The following NDUFAF6 variants were observed in gnomAD, a reference collection of about 807,000 sequenced individuals.
NDUFAF6 encodes NADH:ubiquinone oxidoreductase complex assembly factor 6.
A neutral mutation model predicts 40.8 loss-of-function variants in NDUFAF6; 45 were observed. The ratio of observed to expected loss-of-function variants is 1.10; its 90% CI spans 0.87 to 1.42. The LOEUF (loss-of-function observed/expected upper bound fraction) is 1.42. Ranked by LOEUF, NDUFAF6 falls within the 40% of genes most tolerant of loss-of-function variation. The pLI, the probability that NDUFAF6 is intolerant of heterozygous loss-of-function variation, is 0.00. For missense variants in NDUFAF6, 435 were observed against 418.5 expected (o/e 1.04, Z -0.34); for synonymous variants, 185 against 155.9 (o/e 1.19, Z -1.39).
intron 1 of NDUFAF6, among the ~76,000 whole-genome samples, chr8:94,941,626 C>A (rs1821543554): frequency 6.6e-6 from 1 of 152,226 alleles, no homozygotes; most frequent in Non-Finnish European, 1.5e-5. Flanking sequence ...CTACAGCTGG[C>A]ATGAAGAAAT....
chr8:94,925,316 T>G (rs1230577659), intron 1 of NDUFAF6, among the ~76,000 whole-genome samples: 1 of 152,218 alleles, frequency 6.6e-6, no homozygotes, highest in Non-Finnish European at 1.5e-5. Context: ...AATAGGGGTA[T>G]CAATGGCATC....
chr8:95,093,163 G>C (rs2132066556), intron 2 of NDUFAF6, among the ~76,000 whole-genome samples: 1 of 152,284 alleles, frequency 6.6e-6, no homozygotes, highest in East Asian at 1.9e-4. Context: ...TTGGGTTCTA[G>C]AGTCCGCCTT....
intron 1 of NDUFAF6, 67 bp downstream of exon 1, chr8:95,025,272 C>A: frequency 7.6e-7 from 1 of 1,314,708 alleles, no homozygotes; most frequent in African/African-American, 1.5e-5. Flanking sequence ...GGCTGCGCCT[C>A]GCGTCTGGCC....
intron 2 of NDUFAF6, among the ~76,000 whole-genome samples, chr8:95,008,761 A>C (rs921003704): frequency 6.6e-6 from 1 of 152,074 alleles, no homozygotes; most frequent in African/African-American, 2.4e-5. Flanking sequence ...TGCCCCCCTC[A>C]GCCTCCCAAA....
In NDUFAF6 at chr8:94,985,870, C is replaced by T. The variant is rs144916423; in HGVS notation, c.-84+4897C>T. ...TTATACAATTTTGTACAATTTTTTT[C>T]TTCCTTTCTTTTTTTTTTTTTGAGA... is the stretch of plus-strand genomic sequence containing the variant. On this transcript the variant is annotated intron_variant, in intron 2 of 9. Transcript: ENST00000396111. Among the ~76,000 whole-genome samples the T allele has an allele frequency of 8.9e-3, 1,316 of 147,702 alleles. 20 individuals carry two copies. The highest frequency in any genetic ancestry group is 0.03 in the African/African-American group (1,200 of 40,172).
downstream of NDUFAF6, among the ~76,000 whole-genome samples, chr8:95,080,442 T>TC (rs1808799005): frequency 6.7e-6 from 1 of 149,184 alleles, no homozygotes; most frequent in African/African-American, 2.5e-5. Context: ...TAGTGTATTT[T>TC]TGTAGTGATT....
chr8:95,042,563 C>G (rs1163168224), intron 4 of NDUFAF6, among the ~76,000 whole-genome samples: 2 of 152,122 alleles, frequency 1.3e-5, no homozygotes, highest in Non-Finnish European at 2.9e-5. Flanking sequence ...GAACTGTGAA[C>G]AAACATTGAT....
At chr8:94,924,887 C>T (rs930127068) in intron 1 of NDUFAF6, among the ~76,000 whole-genome samples, 3 of 152,168 alleles carry the variant, frequency 2.0e-5, no homozygotes, top group African/African-American at 4.8e-5. Context: ...GGATTACAGG[C>T]GTGTGCCACC....
chr8:94,942,658 C>G (rs1821657065), intron 1 of NDUFAF6, among the ~76,000 whole-genome samples: 1 of 152,170 alleles, frequency 6.6e-6, no homozygotes, highest in East Asian at 1.9e-4. Context: ...GTGAACAGGG[C>G]CCTCCCACAA....
chr8:94,945,974 T>TA (rs896631406), intron 2 of NDUFAF6, among the ~76,000 whole-genome samples: 2 of 152,144 alleles, frequency 1.3e-5, no homozygotes, highest in African/African-American at 4.8e-5. Flanking sequence ...TCCCTCCCTT[T>TA]AAAAAATAAA....
intron 4 of NDUFAF6, among the ~76,000 whole-genome samples, chr8:95,112,020 C>G (rs1429384062): frequency 6.6e-6 from 1 of 152,068 alleles, no homozygotes; most frequent in Non-Finnish European, 1.5e-5. Flanking sequence ...TCCTACTGTT[C>G]TTAGAAAGAA....
At chr8:94,936,705 A>G (rs910563922) in intron 1 of NDUFAF6, among the ~76,000 whole-genome samples, 7 of 152,104 alleles carry the variant, frequency 4.6e-5, no homozygotes, top group Non-Finnish European at 7.4e-5. Context: ...TGAGGGGTAT[A>G]TTAGGACATG....
At chr8:94,904,772 C>T (rs1818281953) in intron 1 of NDUFAF6, among the ~76,000 whole-genome samples, 1 of 151,976 alleles carries the variant, frequency 6.6e-6, no homozygotes, top group African/African-American at 2.4e-5. Context: ...TCATGCCCTC[C>T]CATGGTTTGT....
chr8:95,032,660 A>G (rs2131779890), intron 2 of NDUFAF6, among the ~76,000 whole-genome samples: 1 of 152,292 alleles, frequency 6.6e-6, no homozygotes, highest in East Asian at 1.9e-4. Context: ...GAGAGAGTGA[A>G]AACTGGAACA....
chr8:95,034,728 T>A (rs1275472694), intron 2 of NDUFAF6: 1 of 152,418 alleles, frequency 6.6e-6, no homozygotes, highest in Non-Finnish European at 1.5e-5. Context: ...CCAGCAGTAA[T>A]GTTAATTTTA....
chr8:94,902,700 T>TA (rs1818106234), intron 1 of NDUFAF6, among the ~76,000 whole-genome samples: 1 of 148,488 alleles, frequency 6.7e-6, no homozygotes, highest in Non-Finnish European at 1.5e-5. Flanking sequence ...ATACTTTTTT[T>TA]TTTTTTTTTT....
intron 2 of NDUFAF6, among the ~76,000 whole-genome samples, chr8:94,947,916 C>A (rs1444681083): frequency 1.3e-5 from 2 of 152,218 alleles, no homozygotes; most frequent in Non-Finnish European, 2.9e-5. Flanking sequence ...TTAAAAGCTT[C>A]CCAGTGCTTT....
chr8:95,085,267 C>A (rs1047995163), intron 2 of NDUFAF6, among the ~76,000 whole-genome samples: 4 of 152,110 alleles, frequency 2.6e-5, no homozygotes, highest in African/African-American at 4.8e-5. Flanking sequence ...AAAAGTTAGA[C>A]CTTGATCTAA....
At chr8:94,944,577 A>G (rs919025466) in intron 1 of NDUFAF6, among the ~76,000 whole-genome samples, 9 of 152,122 alleles carry the variant, frequency 5.9e-5, no homozygotes, top group African/African-American at 2.2e-4. Context: ...AGGACAACCA[A>G]CCTTGGGCGA....
Sources: allele counts gnomAD v4.1 joint callset (sites outside exome capture counted in the v4.1 genomes callset), GRCh38; gene constraint gnomAD v4.1.1; transcripts MANE v1.5; gene names NCBI Gene and HGNC (gene_info 2026-07-23, HGNC 2026-07-21).